Variants in SPMIP11 observed in about 807,000 individuals in gnomAD.
The protein encoded by SPMIP11 is sperm microtubule inner protein 11.
chr12:48,769,542 T>C, the SPMIP11 span, among the ~76,000 whole-genome samples: 1 of 151,712 alleles, frequency 6.6e-6, no homozygotes, highest in South Asian at 2.1e-4. Context: ...GCCTATTCCA[T>C]GTCAACCACT....
At chr12:48,759,062 G>A in the SPMIP11 span, 6 of 600,974 alleles carry the variant, frequency 1.0e-5, no homozygotes, top group South Asian at 3.8e-5. Flanking sequence ...TCACAGCCAT[G>A]GTGATTGGAT....
the SPMIP11 span, chr12:48,764,822 A>G: frequency 4.3e-6 from 3 of 700,708 alleles, no homozygotes; most frequent in Non-Finnish European, 7.8e-6. Context: ...AAGGAATTAG[A>G]TAACCTGCCC....
chr12:48,765,371 C>T, the SPMIP11 span, among the ~76,000 whole-genome samples: 25 of 152,332 alleles, frequency 1.6e-4, no homozygotes, highest in African/African-American at 6.0e-4. Flanking sequence ...GCTGGGATTA[C>T]AGGCACCCGC....
the SPMIP11 span, among the ~76,000 whole-genome samples, chr12:48,751,859 G>A: frequency 6.6e-6 from 1 of 152,038 alleles, no homozygotes; most frequent in Admixed American, 6.5e-5. Context: ...CTGCGGTCAG[G>A]AGTTCAAGAC....
chr12:48,752,114 A>G, the SPMIP11 span, among the ~76,000 whole-genome samples: 1 of 152,036 alleles, frequency 6.6e-6, no homozygotes, highest in African/African-American at 2.4e-5. Context: ...GTGGACATTA[A>G]ATAAAATAAT....
chr12:48,749,841 G>A, the SPMIP11 span, among the ~76,000 whole-genome samples: 2 of 150,696 alleles, frequency 1.3e-5, no homozygotes, highest in South Asian at 4.2e-4. Flanking sequence ...ACAGGCACCC[G>A]CCACCATGCC....
the SPMIP11 span, among the ~76,000 whole-genome samples, chr12:48,737,524 C>T: frequency 3.4e-3 from 520 of 151,168 alleles, 2 homozygotes; most frequent in Middle Eastern, 6.8e-3. Context: ...AAGCGATTCT[C>T]GTTACTCAGT....
the SPMIP11 span, among the ~76,000 whole-genome samples, chr12:48,765,271 C>T: frequency 3.3e-5 from 5 of 152,166 alleles, no homozygotes; most frequent in Non-Finnish European, 5.9e-5. Flanking sequence ...CTGCCTTCGT[C>T]GCTACCTCTC....
the SPMIP11 span, among the ~76,000 whole-genome samples, chr12:48,738,985 A>G: frequency 6.7e-6 from 1 of 150,232 alleles, no homozygotes; most frequent in Non-Finnish European, 1.5e-5. Flanking sequence ...CTTGGTTATT[A>G]TATTTTAATT....
the SPMIP11 span, chr12:48,771,403 G>A: frequency 1.9e-6 from 1 of 527,978 alleles, no homozygotes; most frequent in South Asian, 2.0e-5. The surrounding 1 kb of genome is among the most constrained non-coding windows in gnomAD (Gnocchi z 4.3). Context: ...GTCTCATGAG[G>A]TTCTGTCCAC....
chr12:48,769,587 T>C, the SPMIP11 span, among the ~76,000 whole-genome samples: 1 of 150,762 alleles, frequency 6.6e-6, no homozygotes, highest in East Asian at 1.9e-4. Context: ...ATCCTTTCTT[T>C]TCTTTTTTTT....
the SPMIP11 span, among the ~76,000 whole-genome samples, chr12:48,733,415 A>G: frequency 2.0e-3 from 312 of 152,256 alleles, no homozygotes; most frequent in African/African-American, 7.1e-3. Flanking sequence ...TTAATATAGT[A>G]GTCCCTCCCT....
the SPMIP11 span, among the ~76,000 whole-genome samples, chr12:48,731,795 A>G: frequency 6.6e-6 from 1 of 152,150 alleles, no homozygotes; most frequent in African/African-American, 2.4e-5. Context: ...AGAGAATCAT[A>G]TAGTCCAACT....
chr12:48,739,467 CTA>C, the SPMIP11 span, among the ~76,000 whole-genome samples: 1 of 152,146 alleles, frequency 6.6e-6, no homozygotes. Context: ...CCTGTGCCAG[CTA>C]TATTAGTCAG....
the SPMIP11 span, among the ~76,000 whole-genome samples, chr12:48,763,367 T>C: frequency 1.5e-4 from 23 of 151,980 alleles, no homozygotes; most frequent in African/African-American, 5.5e-4. Context: ...AGAAATGGGG[T>C]TTCAACATGT....
chr12:48,746,229 A>T, the SPMIP11 span, among the ~76,000 whole-genome samples: 1 of 152,118 alleles, frequency 6.6e-6, no homozygotes, highest in African/African-American at 2.4e-5. Flanking sequence ...GTGCTTTTTT[A>T]AAAAAAATTT....
chr12:48,765,456 C>T, the SPMIP11 span: 2 of 599,706 alleles, frequency 3.3e-6, no homozygotes, highest in South Asian at 3.9e-5. Context: ...GTCTTGAACT[C>T]CTAACCTTGT....
chr12:48,765,052 T>C, the SPMIP11 span: 7 of 664,280 alleles, frequency 1.1e-5, no homozygotes, highest in African/African-American at 1.8e-5. Flanking sequence ...TTCCCTTCAC[T>C]TTAATTCTTA....
At chr12:48,745,629 T>C in the SPMIP11 span, among the ~76,000 whole-genome samples, 1 of 152,174 alleles carries the variant, frequency 6.6e-6, no homozygotes, top group Non-Finnish European at 1.5e-5. Context: ...AATTAGAGAG[T>C]TCAATAAATC....
Sources: allele counts gnomAD v4.1 joint callset (sites outside exome capture counted in the v4.1 genomes callset), GRCh38; gene constraint gnomAD v4.1.1; non-coding constraint Gnocchi (gnomAD v3.1); transcripts MANE v1.5; gene names NCBI Gene and HGNC (gene_info 2026-07-23, HGNC 2026-07-21).